Variants in NOS1 observed in about 807,000 individuals in gnomAD.
NOS1 encodes the protein nitric oxide synthase 1, also known as NOS type I.
Under a neutral mutation model 164.5 loss-of-function variants are expected in NOS1, and 51 were observed. That is an observed-to-expected ratio of 0.31 (90% CI 0.25 to 0.39). The LOEUF (loss-of-function observed/expected upper bound fraction) is 0.39, where lower values mean the gene tolerates loss of function less well. Ranked by LOEUF, NOS1 falls within the 10% of genes least tolerant of loss-of-function variation. NOS1 has a pLI of 1.00. For synonymous variants in NOS1, 719 were observed against 745.8 expected, an observed-to-expected ratio of 0.96 and a Z score of 0.59; for missense variants, 1,362 against 1,885.6, an observed-to-expected ratio of 0.72 and a Z score of 5.14.
chr12:117,344,946 TAGAAAC>T (rs1244322472), intron 1 of NOS1, among the ~76,000 whole-genome samples: 1 of 152,082 alleles, frequency 6.6e-6, no homozygotes. Context: ...CTAAGATTCT[TAGAAAC>T]AGAGTCAGAA....
At chr12:117,312,790 TCA>T (rs1874496900) in intron 2 of NOS1, among the ~76,000 whole-genome samples, 2 of 152,024 alleles carry the variant, frequency 1.3e-5, no homozygotes, top group African/African-American at 4.8e-5. Context: ...TTGCTCAAGG[TCA>T]CACAGTGGCA....
intron 1 of NOS1, among the ~76,000 whole-genome samples, chr12:117,340,604 G>A (rs1182256958): frequency 2.0e-5 from 3 of 152,096 alleles, no homozygotes; most frequent in African/African-American, 4.8e-5. Context: ...ATCTCGGCTC[G>A]CTGCAACCTC....
At chr12:117,256,627 A>G (rs372270375) in intron 16 of NOS1, among the ~76,000 whole-genome samples, 19 of 152,138 alleles carry the variant, frequency 1.2e-4, no homozygotes, top group African/African-American at 4.1e-4. Flanking sequence ...AGCCAGCTAG[A>G]GCATTTGATG....
chr12:117,211,317 A>G lies in NOS1; in HGVS notation c.*3992T>C. The G allele has an allele frequency of 2.0e-6, 2 of 985,350 alleles. No individual in the cohort carries two copies. Among genetic ancestry groups the G allele is most frequent in the Non-Finnish European group, 2.4e-6 (2 of 829,958 alleles). 61.0% of individuals were successfully genotyped at this position (985,350 alleles called of 1,614,324 possible). A position where few individuals can be genotyped will look rare whatever the true frequency, so the allele number is the denominator to read the frequency against. The stretch of plus-strand genomic sequence containing the variant: ...CTCTACAATGGATGGGGTGCCAGGT[A>G]CGCTGATTCAGTTCCTGGAGTCTCT... On this transcript the variant is annotated 3_prime_UTR_variant, in exon 29 of 29. Coordinates refer to ENST00000317775, the MANE Select transcript of NOS1 (RefSeq NM_000620.5).
chr12:117,325,492 G>T (rs1475000191), intron 2 of NOS1, among the ~76,000 whole-genome samples: 2 of 152,052 alleles, frequency 1.3e-5, no homozygotes, highest in Non-Finnish European at 2.9e-5. Context: ...AGGGGTGGTG[G>T]TCCTCCTGCA....
chr12:117,275,370 C>T (rs950739248), intron 9 of NOS1, among the ~76,000 whole-genome samples: 6 of 151,624 alleles, frequency 4.0e-5, no homozygotes, highest in African/African-American at 1.5e-4. Context: ...AACTGGAGGA[C>T]GTTATGTTAA....
chr12:117,313,973 CT>C (rs1446683770), intron 2 of NOS1, among the ~76,000 whole-genome samples: 1 of 152,134 alleles, frequency 6.6e-6, no homozygotes. Flanking sequence ...GCTTAGGGGA[CT>C]CCCCCATCCC....
At chr12:117,220,825 G>A (rs189693163) in intron 26 of NOS1, among the ~76,000 whole-genome samples, 43 of 152,140 alleles carry the variant, frequency 2.8e-4, no homozygotes, top group African/African-American at 9.6e-4. Flanking sequence ...GGCACAAGGC[G>A]TGTCCAGTAC....
chr12:117,270,480 G>C (rs1872713262), intron 10 of NOS1, among the ~76,000 whole-genome samples: 1 of 151,914 alleles, frequency 6.6e-6, no homozygotes, highest in East Asian at 1.9e-4. Flanking sequence ...CACATTTGTG[G>C]GAAGTAAGAA....
intron 3 of NOS1, among the ~76,000 whole-genome samples, chr12:117,308,096 A>G (rs1691975832): frequency 6.6e-6 from 1 of 152,136 alleles, no homozygotes; most frequent in Non-Finnish European, 1.5e-5. Flanking sequence ...ATAAATGACA[A>G]TGGACACTGG....
At chr12:117,226,910 G>C in intron 23 of NOS1, 140 bp from the exon 24 acceptor site, 1 of 683,606 alleles carries the variant, frequency 1.5e-6, no homozygotes, top group Non-Finnish European at 2.6e-6. Context: ...TTCCTCTGAA[G>C]GGCAAGAGGA....
chr12:117,210,491 G>T lies in NOS1; in HGVS notation c.*4818C>A, dbSNP rs1040342798. ...CTGGGTATGTGGGGCAGCGGGTAGG[G>T]AAATATACAAGGAAACATGGCTGGT... On this transcript the variant is annotated 3_prime_UTR_variant, in exon 29 of 29. Coordinates refer to ENST00000317775, the MANE Select transcript of NOS1 (RefSeq NM_000620.5). The T allele has an allele frequency of 3.3e-5, 33 of 985,352 alleles. No homozygotes were observed. Among genetic ancestry groups the T allele is most frequent in the Admixed American group, 6.2e-5 (1 of 16,246 alleles). The allele number at this position is 985,352 out of a possible 1,614,324, so 61.0% of individuals were successfully genotyped here. A position where few individuals can be genotyped will look rare whatever the true frequency, so the allele number is the denominator to read the frequency against.
intron 1 of NOS1, among the ~76,000 whole-genome samples, chr12:117,350,594 C>T (rs1427602948): frequency 6.6e-6 from 1 of 152,210 alleles, no homozygotes; most frequent in Admixed American, 6.5e-5. Flanking sequence ...ACTGAAGACA[C>T]ACCAGCATGT....
chr12:117,225,015 C>T lies in NOS1; in HGVS notation c.3826+1G>A. On this transcript the variant is annotated splice_donor_variant, in intron 25 of 28. Coordinates refer to ENST00000317775, the MANE Select transcript of NOS1 (RefSeq NM_000620.5). LOFTEE classifies it high-confidence loss of function. ...CAAGTGGCCACTGGACTGTAACCCA[C>T]CTTTGTGTTGGATATCAAATTGCCG... is the stretch of plus-strand genomic sequence containing the variant. 1.9e-6 allele frequency: 3 copies of T among 1,614,134 alleles called. No individual in the cohort carries two copies. Among genetic ancestry groups the T allele is most frequent in the Non-Finnish European group, 1.7e-6 (2 of 1,180,002 alleles).
At chr12:117,239,807 A>C (rs1009133065) in intron 20 of NOS1, among the ~76,000 whole-genome samples, 2 of 152,110 alleles carry the variant, frequency 1.3e-5, no homozygotes, top group African/African-American at 4.8e-5. Flanking sequence ...AATACAGAAC[A>C]TACTTTTTAA....
In NOS1 at chr12:117,208,732, T is replaced by TC. The variant is rs922290708; in HGVS notation, c.*6576_*6577insG. On this transcript the variant is annotated 3_prime_UTR_variant, in exon 29 of 29. Coordinates refer to ENST00000317775, the MANE Select transcript of NOS1 (RefSeq NM_000620.5). ...CTCTGTTCTGGCATGGGAGGGCTTT[T>TC]TTTTTTTTTTCCACAGGGTCTCATT... is the stretch of plus-strand genomic sequence containing the variant. 3.0e-6 allele frequency: 3 copies of TC among 1,004,300 alleles called. No homozygotes were observed. The highest frequency in any genetic ancestry group is 3.6e-6 in the Non-Finnish European group (3 of 841,608). 62.2% of individuals were successfully genotyped at this position (1,004,300 alleles called of 1,614,324 possible). A position where few individuals can be genotyped will look rare whatever the true frequency, so the allele number is the denominator to read the frequency against.
chr12:117,320,964 A>G (rs753387540), intron 2 of NOS1, among the ~76,000 whole-genome samples: 6 of 151,914 alleles, frequency 3.9e-5, no homozygotes, highest in Non-Finnish European at 7.4e-5. Context: ...TCACTGTTTT[A>G]TTTCCTTCAC....
At chr12:117,318,886 G>C (rs1016111403) in intron 2 of NOS1, among the ~76,000 whole-genome samples, 1 of 152,182 alleles carries the variant, frequency 6.6e-6, no homozygotes, top group Non-Finnish European at 1.5e-5. Flanking sequence ...GGCCCTGCAT[G>C]CTCCAACAGC....
At chr12:117,343,811 G>A (rs1313703255) in intron 1 of NOS1, among the ~76,000 whole-genome samples, 1 of 152,190 alleles carries the variant, frequency 6.6e-6, no homozygotes, top group African/African-American at 2.4e-5. Context: ...GACAAAAGGT[G>A]CTCAGGGAAG....
Sources: gnomAD v4.1 joint callset for allele counts (sites outside exome capture counted in the v4.1 genomes callset) on GRCh38, gnomAD v4.1.1 for gene constraint, MANE v1.5 for transcripts, NCBI Gene and HGNC (gene_info 2026-07-23, HGNC 2026-07-21) for gene names.